The following PDZD2 variants were observed in gnomAD, a reference collection of about 807,000 sequenced individuals.
PDZD2 encodes the protein PDZ domain-containing protein 2.
In PDZD2, 90 loss-of-function variants were observed where a neutral mutation model predicts 220.7. That is an observed-to-expected ratio of 0.41 (90% confidence interval 0.34 to 0.49). The LOEUF is 0.49. Ranked by LOEUF, PDZD2 falls within the 20% of genes least tolerant of loss-of-function variation. The pLI, the probability that PDZD2 is intolerant of heterozygous loss-of-function variation, is 0.28. For missense variants in PDZD2, 3,174 were observed against 3,608.5 expected (o/e 0.88, Z 3.08); for synonymous variants, 1,375 against 1,450.5 (o/e 0.95, Z 1.18).
chr5:31,762,812 G>A (rs1485112855), intron 1 of PDZD2, among the ~76,000 whole-genome samples: 1 of 152,166 alleles, frequency 6.6e-6, no homozygotes, highest in Non-Finnish European at 1.5e-5. Flanking sequence ...TGTAAATTGG[G>A]AGTTGGATTT....
chr5:31,740,286 C>T (rs183091015), intron 1 of PDZD2, among the ~76,000 whole-genome samples: 1,712 of 151,520 alleles, frequency 0.011, 17 homozygotes, highest in Middle Eastern at 0.02. Flanking sequence ...TTTGGGAGGC[C>T]GAGGCGGGCA....
intron 1 of PDZD2, among the ~76,000 whole-genome samples, chr5:31,678,550 G>A (rs976944289): frequency 1.3e-5 from 2 of 152,088 alleles, no homozygotes; most frequent in African/African-American, 2.4e-5. Flanking sequence ...GCCTGGGGAC[G>A]TCAGTCTCTA....
rs1190802569 is a variant in PDZD2, at chr5:32,109,704, T to C, written c.*1569T>C. On this transcript the variant is annotated 3_prime_UTR_variant, in exon 25 of 25. Transcript: ENST00000438447. ...CATACCTGTGTGCATGACACTAAGA[T>C]TTTATGTTGGAGATACTTCTTTAAA... 1 of 152,196 alleles carries C rather than the reference T, an allele frequency of 6.6e-6. No individual in the cohort carries two copies. The highest frequency in any genetic ancestry group is 2.4e-5 in the African/African-American group (1 of 41,418). The allele number at this position is 152,196 out of a possible 1,614,324, so 9.4% of individuals were successfully genotyped here.
At position 32,110,447 on chromosome 5, in the gene PDZD2, C is replaced by CTATT. The variant is rs1196574377; in HGVS notation, c.*2318_*2321dup. On this transcript the variant is annotated 3_prime_UTR_variant, in exon 25 of 25. Transcript: ENST00000438447. Reference sequence around the variant, plus strand: ...CTTTGACCCTAAGATAGATAGAAAGCTATTTATTTGTCTTCAGTGTTCAAG... The same window carrying CTATT: ...CTTTGACCCTAAGATAGATAGAAAGCTATTTATTTATTTGTCTTCAGTGTTCAAG... 2.6e-5 allele frequency: 4 copies of CTATT among 152,610 alleles called. No homozygotes were observed. The highest frequency in any genetic ancestry group is 7.2e-5 in the African/African-American group (3 of 41,452). 9.5% of individuals were successfully genotyped at this position (152,610 alleles called of 1,614,324 possible).
At chr5:31,855,341 T>C (rs1758350123) in intron 2 of PDZD2, among the ~76,000 whole-genome samples, 1 of 152,230 alleles carries the variant, frequency 6.6e-6, no homozygotes, top group Non-Finnish European at 1.5e-5. Context: ...GTGTGTTGTT[T>C]TTAAAGTGGG....
intron 1 of PDZD2, among the ~76,000 whole-genome samples, chr5:31,718,694 A>ATTTTTTT (rs34261021): frequency 1.1e-4 from 8 of 74,644 alleles, no homozygotes; most frequent in African/African-American, 1.6e-4. Context: ...TAACAGCCTC[A>ATTTTTTT]TTTTTTTTTT....
At chr5:32,031,740 C>T (rs1297438711) in intron 6 of PDZD2, among the ~76,000 whole-genome samples, 1 of 152,144 alleles carries the variant, frequency 6.6e-6, no homozygotes, top group Non-Finnish European at 1.5e-5. Context: ...CTAAACCTTA[C>T]CTATATTCTT....
intron 1 of PDZD2, among the ~76,000 whole-genome samples, chr5:31,758,663 G>A (rs1446592726): frequency 1.3e-5 from 2 of 152,262 alleles, no homozygotes; most frequent in East Asian, 3.9e-4. Flanking sequence ...CTGATTTTGA[G>A]TTTCCCAAGA....
At chr5:32,058,299 T>C (rs1739302710) in intron 12 of PDZD2, among the ~76,000 whole-genome samples, 196 bp downstream of exon 12, 2 of 151,172 alleles carry the variant, frequency 1.3e-5, no homozygotes. Context: ...GAAGGGAAGT[T>C]ACCAGTAGCA....
At chr5:31,978,121 C>A (rs1489240593) in intron 2 of PDZD2, among the ~76,000 whole-genome samples, 2 of 152,164 alleles carry the variant, frequency 1.3e-5, no homozygotes, top group Non-Finnish European at 2.9e-5. Flanking sequence ...AATAATTTTG[C>A]ATGCCAGAGG....
intron 1 of PDZD2, among the ~76,000 whole-genome samples, chr5:31,693,296 C>T (rs1580575184): frequency 7.2e-6 from 1 of 138,050 alleles, no homozygotes; most frequent in Admixed American, 8.0e-5. Flanking sequence ...GGCTGAAGTG[C>T]AGTGGTACGA....
At chr5:31,649,279 C>T (rs1340250217) in intron 1 of PDZD2, among the ~76,000 whole-genome samples, 1 of 152,078 alleles carries the variant, frequency 6.6e-6, no homozygotes, top group Non-Finnish European at 1.5e-5. Context: ...CCCCAGTCCA[C>T]CTCTCCTATG....
intron 2 of PDZD2, among the ~76,000 whole-genome samples, chr5:31,830,965 G>A (rs1561492181): frequency 6.6e-6 from 1 of 152,222 alleles, no homozygotes; most frequent in Non-Finnish European, 1.5e-5. Context: ...AATTCACCCA[G>A]TGGGAAAGCA....
At chr5:32,105,513 A>G (rs999161854) in intron 24 of PDZD2, among the ~76,000 whole-genome samples, 2 of 152,240 alleles carry the variant, frequency 1.3e-5, no homozygotes, top group East Asian at 3.8e-4. Flanking sequence ...TTAAATTTCT[A>G]TCTGTAGCAG....
chr5:31,772,009 C>T (rs186702033), intron 1 of PDZD2, among the ~76,000 whole-genome samples: 17 of 152,248 alleles, frequency 1.1e-4, no homozygotes, highest in African/African-American at 3.9e-4. Context: ...GAAGCCCCAT[C>T]TGGTTGGTGT....
chr5:31,889,205 C>G (rs780550558), intron 2 of PDZD2, among the ~76,000 whole-genome samples: 38 of 152,160 alleles, frequency 2.5e-4, no homozygotes, highest in Non-Finnish European at 4.4e-5. Flanking sequence ...GGATTGTTAC[C>G]AAGAAGTATT....
chr5:32,100,466 A>C lies in PDZD2; in HGVS notation c.8219-639A>C, dbSNP rs75817323. On this transcript the variant is annotated intron_variant, in intron 23 of 24. Transcript: ENST00000438447. The stretch of plus-strand genomic sequence containing the variant: ...ACCAGCACACAGAGCCGGCATCACC[A>C]TGGAAACACATTTCCTCACAGTGGA... The C allele has an allele frequency of 8.5e-5, 21 of 248,250 alleles. No homozygotes were observed. In the East Asian group the frequency reaches 2.2e-3, roughly 26 times the overall value. The allele number at this position is 248,250 out of a possible 1,614,324, so 15.4% of individuals were successfully genotyped here. A position where few individuals can be genotyped will look rare whatever the true frequency, so the allele number is the denominator to read the frequency against.
At chr5:32,043,952 GTTCA>G (rs959365383) in intron 7 of PDZD2, among the ~76,000 whole-genome samples, 4 of 152,162 alleles carry the variant, frequency 2.6e-5, no homozygotes, top group African/African-American at 9.6e-5. Flanking sequence ...TTAATATTAT[GTTCA>G]TTGTCATTTT....
At chr5:32,024,373 G>A (rs1176507238) in intron 6 of PDZD2, among the ~76,000 whole-genome samples, 3 of 152,114 alleles carry the variant, frequency 2.0e-5, no homozygotes, top group Admixed American at 1.3e-4. Context: ...GGTGGAAGAC[G>A]TGAACAGAAA....
Sources: allele counts gnomAD v4.1 joint callset (sites outside exome capture counted in the v4.1 genomes callset), GRCh38; gene constraint gnomAD v4.1.1; transcripts MANE v1.5; gene names NCBI Gene and HGNC (gene_info 2026-07-23, HGNC 2026-07-21).